The following SLC30A10 variants were observed in gnomAD, a reference collection of about 807,000 sequenced individuals.
SLC30A10 encodes solute carrier family 30 member 10, also known as calcium/manganese antiporter SLC30A10.
Under a neutral mutation model 21.7 loss-of-function variants are expected in SLC30A10, and 8 were observed. That is an observed-to-expected ratio of 0.37 (90% confidence interval 0.22 to 0.67). The LOEUF is 0.67. Ranked by LOEUF, SLC30A10 falls within the 30% of genes least tolerant of loss-of-function variation. SLC30A10 has a pLI of 0.58. For synonymous variants in SLC30A10, 272 were observed against 279.4 expected (o/e 0.97, Z 0.26); for missense variants, 521 against 642.5 (o/e 0.81, Z 2.04).
chr1:219,925,641 ATATATATATATTTTTT>A (rs1659796721), intron 2 of SLC30A10, among the ~76,000 whole-genome samples: 2 of 73,438 alleles, frequency 2.7e-5, no homozygotes, highest in South Asian at 1.1e-3. Context: ...ACATATATAT[ATATATATATATTTTTT>A]TTTTTTTTTT....
chr1:219,955,987 A>G (rs1660344290), intron 1 of SLC30A10, among the ~76,000 whole-genome samples: 1 of 152,180 alleles, frequency 6.6e-6, no homozygotes, highest in Admixed American at 6.5e-5. Flanking sequence ...GTTAATGTCA[A>G]TTTATGACGT....
Position 219,912,812 on chromosome 1 carries a change from C to T in SLC30A10, c.*2637G>A, listed in dbSNP as rs145789380. ...TAGCACCACTGCACTCCAGCCTGGG[C>T]GACAGAGCAAGACTCCGTCTCAAAG... On this transcript the variant is annotated 3_prime_UTR_variant, in exon 4 of 4. Transcript: ENST00000366926. Among the ~76,000 whole-genome samples, 4,546 of 151,618 alleles carry T rather than the reference C, an allele frequency of 0.03. 105 individuals carry two copies. Among genetic ancestry groups the T allele is most frequent in the Non-Finnish European group, 0.048 (3,248 of 67,936 alleles).
At chr1:219,940,647 A>T (rs1175721377) in intron 1 of SLC30A10, among the ~76,000 whole-genome samples, 1 of 152,222 alleles carries the variant, frequency 6.6e-6, no homozygotes, top group Non-Finnish European at 1.5e-5. Context: ...GTATTATTAG[A>T]TGAGCTTCAA....
chr1:219,922,158 T>TTGTGTGTGTGTGTG (rs139669169), intron 2 of SLC30A10, among the ~76,000 whole-genome samples: 1 of 42,838 alleles, frequency 2.3e-5, no homozygotes, highest in East Asian at 8.5e-4. Context: ...ACCTTCTTGT[T>TTGTGTGTGTGTGTG]TGTGTGTGTG....
Position 219,927,911 on chromosome 1 carries a change from C to T in SLC30A10, c.530G>A (p.Arg177Gln), listed in dbSNP as rs944138524. The T allele has an allele frequency of 4.6e-6, 7 of 1,538,250 alleles. No homozygotes were observed. The highest frequency in any genetic ancestry group is 1.4e-5 in the African/African-American group (1 of 70,630). ...FGGPQGAEDP[R>Q]RAADPTAPGS... Reference sequence around the variant, plus strand: ...TGGGGCTGTCGGGTCCGCCGCGCGCCGCGGGTCCTCCGCGCCCTGAGGCCC... The same window carrying T: ...TGGGGCTGTCGGGTCCGCCGCGCGCTGCGGGTCCTCCGCGCCCTGAGGCCC... The change falls in exon 1 of 4, where the codon CGG (arginine) becomes CAG (glutamine). Residue 177 changes from arginine (R) to glutamine (Q), a missense_variant. By Grantham distance (43) the Arg-to-Gln change is conservative. Coordinates refer to ENST00000366926, the MANE Select transcript of SLC30A10 (RefSeq NM_018713.3).
Position 219,915,794 on chromosome 1 carries a change from G to A in SLC30A10, c.1113C>T (p.His371=). The part of the protein sequence containing the change: ...DASTKIREIF[H]HAGIHNVTIQ... The stretch of plus-strand genomic sequence containing the variant: ...TGGTCACATTGTGGATTCCCGCATG[G>A]TGGAAGATTTCTCGAATTTTTGTGC... Residue 371 remains histidine (H), a synonymous_variant, in exon 4 of 4, where the codon CAC becomes CAT. Coordinates refer to ENST00000366926, the MANE Select transcript of SLC30A10 (RefSeq NM_018713.3). 1 of 1,614,182 alleles carries A rather than the reference G, an allele frequency of 6.2e-7. No individual in the cohort carries two copies. The highest frequency in any genetic ancestry group is 8.5e-7 in the Non-Finnish European group (1 of 1,180,032).
At chr1:219,949,349 A>G (rs1412243543) in intron 1 of SLC30A10, among the ~76,000 whole-genome samples, 12 of 152,266 alleles carry the variant, frequency 7.9e-5, no homozygotes, top group Admixed American at 2.6e-4. Flanking sequence ...AAAGACTTGG[A>G]ACCAACCCAA....
rs1571803275 is a variant in SLC30A10, at chr1:219,928,444, G to C, written c.-4C>G. ...TCTTGCCAGAGTAGCGGCCCATCTC[G>C]CCACCAGCCCCGGGCGCCCGGCGCC... is the stretch of plus-strand genomic sequence containing the variant. On this transcript the variant is annotated 5_prime_UTR_variant, in exon 1 of 4. Transcript: ENST00000366926. The surrounding 1 kb of genome is among the most constrained non-coding windows in gnomAD (Gnocchi z 6.3). 6.2e-7 allele frequency: 1 copy of C among 1,603,602 alleles called. No homozygotes were observed.
At chr1:219,949,729 A>G (rs552153503) in intron 1 of SLC30A10, among the ~76,000 whole-genome samples, 22 of 151,942 alleles carry the variant, frequency 1.4e-4, no homozygotes, top group African/African-American at 4.8e-4. Context: ...GTGCACATGT[A>G]CCCTAAAACT....
Position 219,935,508 on chromosome 1 carries a change from C to A in SLC30A10, n.81-8403G>T, listed in dbSNP as rs559916790. On this transcript the variant is annotated intron_variant and non_coding_transcript_variant, in intron 1 of 8. Coordinates refer to the SLC30A10 transcript ENST00000484239. ...ACATAGGCTTTGGAGCCATGCACAT[C>A]TAAAATCCAATCTTGCTTCTGTCAG... 3.9e-5 allele frequency among the ~76,000 whole-genome samples: 6 copies of A among 152,366 alleles called. No homozygotes were observed. In the East Asian group the frequency reaches 1.2e-3, roughly 29 times the overall value.
At chr1:219,922,177 T>TGTGTGTGTGTTTTTGTTG (rs1194378922) in intron 2 of SLC30A10, among the ~76,000 whole-genome samples, 2 of 29,370 alleles carry the variant, frequency 6.8e-5, no homozygotes, top group African/African-American at 2.8e-4. Flanking sequence ...TGTGTGTGTG[T>TGTGTGTGTGTTTTTGTTG]TTTTTTTTTT....
intron 1 of SLC30A10, among the ~76,000 whole-genome samples, chr1:219,940,692 T>A (rs1304134032): frequency 1.3e-5 from 2 of 152,202 alleles, no homozygotes; most frequent in African/African-American, 4.8e-5. Flanking sequence ...GGTTTTCCCA[T>A]GTCCTGAGTG....
chr1:219,951,596 C>T (rs1050175954), intron 1 of SLC30A10, among the ~76,000 whole-genome samples: 14 of 151,778 alleles, frequency 9.2e-5, no homozygotes, highest in African/African-American at 3.4e-4. Flanking sequence ...TGGCGGGTGC[C>T]TGTAGTCCCA....
rs372016841 is a variant in SLC30A10 at position 219,918,047 on chromosome 1, CAG to C, written c.958+206_958+207del. On this transcript the variant is annotated intron_variant, in intron 3 of 3. Transcript: ENST00000366926. This position sits in a 1 kb window ranked among gnomAD's most constrained non-coding sequence, Gnocchi z 4.4. ...CATTCTTAAAAATTTGCAGTTGAGT[CAG>C]AGAATCACGGATTGCAAAGGACCTT... Among the ~76,000 whole-genome samples the C allele has an allele frequency of 1.8e-4, 27 of 152,174 alleles. 1 individual carries two copies. The East Asian group carries it at 2.5e-3, about 14-fold the overall frequency.
chr1:219,929,936 G>T (rs893106575), upstream of SLC30A10, among the ~76,000 whole-genome samples: 3 of 152,170 alleles, frequency 2.0e-5, no homozygotes, highest in Admixed American at 1.3e-4. Context: ...GGTGTCTGCT[G>T]CTGGTCTCTT....
upstream of SLC30A10, among the ~76,000 whole-genome samples, chr1:219,928,883 C>G (rs1184728997): frequency 6.6e-6 from 1 of 152,212 alleles, no homozygotes; most frequent in Non-Finnish European, 1.5e-5. This position sits in a 1 kb window ranked among gnomAD's most constrained non-coding sequence, Gnocchi z 6.3. Flanking sequence ...CTCAGGGTCG[C>G]CAGTGTCCTG....
intron 1 of SLC30A10, 172 bp from the exon 2 acceptor site, chr1:219,927,277 G>A (rs945526319): frequency 1.1e-5 from 7 of 649,052 alleles, no homozygotes; most frequent in African/African-American, 5.5e-5. Context: ...ATAGCCTTGT[G>A]ATCCACCTTT....
intron 1 of SLC30A10, among the ~76,000 whole-genome samples, chr1:219,934,219 C>T (rs896947951): frequency 2.0e-5 from 3 of 152,052 alleles, no homozygotes; most frequent in Admixed American, 2.0e-4. Flanking sequence ...ACCCAGGAGG[C>T]GGAGCTGGCA....
At chr1:219,954,419 C>T (rs2102548210) in intron 1 of SLC30A10, among the ~76,000 whole-genome samples, 1 of 152,190 alleles carries the variant, frequency 6.6e-6, no homozygotes, top group Admixed American at 6.5e-5. Context: ...GTGGTTCACA[C>T]CTGTAATCCC....
Sources: allele counts gnomAD v4.1 joint callset (sites outside exome capture counted in the v4.1 genomes callset), GRCh38; gene constraint gnomAD v4.1.1; non-coding constraint Gnocchi (gnomAD v3.1); transcripts MANE v1.5; gene names NCBI Gene and HGNC (gene_info 2026-07-23, HGNC 2026-07-21).